PTPRR: variants seen among roughly 807,000 people sequenced by gnomAD.
PTPRR encodes receptor-type tyrosine-protein phosphatase R.
PTPRR carries 38 observed loss-of-function variants against 77.2 expected under a neutral mutation model. That is an observed-to-expected ratio of 0.49 (90% CI 0.38 to 0.65). PTPRR has a LOEUF of 0.65. PTPRR is among the 30% of genes least tolerant of loss of function. PTPRR has a pLI of 0.00. For missense variants in PTPRR, 744 were observed against 799.2 expected (o/e 0.93, Z 0.83); for synonymous variants, 299 against 283.1 (o/e 1.06, Z -0.57).
intron 2 of PTPRR, among the ~76,000 whole-genome samples, chr12:70,808,414 C>T (rs745591091): frequency 6.6e-6 from 1 of 152,106 alleles, no homozygotes; most frequent in Non-Finnish European, 1.5e-5. Flanking sequence ...ACACTCCCTC[C>T]CCTCTGAAAA....
chr12:70,830,210 G>C (rs1002208547), intron 2 of PTPRR, among the ~76,000 whole-genome samples: 1 of 152,134 alleles, frequency 6.6e-6, no homozygotes, highest in African/African-American at 2.4e-5. Context: ...AGATTTACCT[G>C]TTTCTGATGT....
chr12:70,836,617 T>A (rs903620224), intron 2 of PTPRR, among the ~76,000 whole-genome samples: 2 of 152,000 alleles, frequency 1.3e-5, no homozygotes, highest in Non-Finnish European at 2.9e-5. Context: ...ACACTGACCT[T>A]GAAAGTGCAT....
At chr12:70,643,377 G>A (rs1592627664) in intron 13 of PTPRR, among the ~76,000 whole-genome samples, 1 of 151,962 alleles carries the variant, frequency 6.6e-6, no homozygotes, top group Non-Finnish European at 1.5e-5. Flanking sequence ...GTTTTGCCAT[G>A]TTGCCCAAGC....
At position 70,726,993 on chromosome 12, in the gene PTPRR, A is replaced by G. The variant is rs139647076; in HGVS notation, c.1007+18825T>C. 5.3e-5 allele frequency among the ~76,000 whole-genome samples: 8 copies of G among 152,256 alleles called. No individual in the cohort carries two copies. In the East Asian group the frequency reaches 1.5e-3, roughly 29 times the overall value. Reference sequence around the variant, plus strand: ...CTAGGGGAGAGAAGGGGGAAAGTGGAATAAGCTTTTGGAATTTGGAAGAAA... The same window carrying G: ...CTAGGGGAGAGAAGGGGGAAAGTGGGATAAGCTTTTGGAATTTGGAAGAAA... On this transcript the variant is annotated intron_variant, in intron 6 of 13. Transcript: ENST00000283228.
chr12:70,661,208 C>T, intron 11 of PTPRR, 111 bp from the exon 12 acceptor site: 1 of 1,410,742 alleles, frequency 7.1e-7, no homozygotes, highest in South Asian at 1.2e-5. Flanking sequence ...CAATTTATTT[C>T]TAGGTGGGAA....
chr12:70,789,091 T>C, intron 2 of PTPRR: 4 of 366,642 alleles, frequency 1.1e-5, no homozygotes, highest in Non-Finnish European at 1.5e-5. Context: ...TTCATGGGGA[T>C]TTTTTTTTTC....
chr12:70,909,361 A>T (rs576520226), intron 1 of PTPRR, among the ~76,000 whole-genome samples: 1 of 152,320 alleles, frequency 6.6e-6, no homozygotes, highest in East Asian at 1.9e-4. Flanking sequence ...GGAGTATGCA[A>T]ATTGTGCACA....
At chr12:70,644,826 C>T (rs916516431) in intron 13 of PTPRR, among the ~76,000 whole-genome samples, 11 of 152,122 alleles carry the variant, frequency 7.2e-5, no homozygotes, top group Non-Finnish European at 1.2e-4. Flanking sequence ...TAAATATTGA[C>T]CAGCCTAGAA....
intron 6 of PTPRR, among the ~76,000 whole-genome samples, chr12:70,727,413 G>T (rs981431130): frequency 6.6e-6 from 1 of 151,786 alleles, no homozygotes; most frequent in Non-Finnish European, 1.5e-5. Flanking sequence ...TGGGTTATAA[G>T]AATTAAAAAA....
At chr12:70,781,783 T>C (rs1891208167) in intron 2 of PTPRR, among the ~76,000 whole-genome samples, 3 of 152,252 alleles carry the variant, frequency 2.0e-5, no homozygotes, top group African/African-American at 4.8e-5. Context: ...ATTCATTTTT[T>C]CCCCATAGTT....
Position 70,684,271 on chromosome 12 carries a change from G to A in PTPRR, c.1360-7C>T, listed in dbSNP as rs1222761578. On this transcript the variant is annotated splice_region_variant and splice_polypyrimidine_tract_variant and intron_variant, in intron 9 of 13. Coordinates refer to ENST00000283228, the MANE Select transcript of PTPRR (RefSeq NM_002849.4). Reference sequence around the variant, plus strand: ...TCTCCTTGCCACTGTAGCCCTAGATGGAGTAAAGAAACAAAAATATTGGTT... The same window carrying A: ...TCTCCTTGCCACTGTAGCCCTAGATAGAGTAAAGAAACAAAAATATTGGTT... The A allele has an allele frequency of 3.8e-6, 6 of 1,597,898 alleles. No individual in the cohort carries two copies. The highest frequency in any genetic ancestry group is 5.1e-6 in the Non-Finnish European group (6 of 1,172,544).
chr12:70,774,376 A>G (rs920379255), intron 2 of PTPRR, among the ~76,000 whole-genome samples: 1 of 152,236 alleles, frequency 6.6e-6, no homozygotes, highest in African/African-American at 2.4e-5. Context: ...CTGTGGAAAC[A>G]GTATTACAGT....
intron 13 of PTPRR, among the ~76,000 whole-genome samples, chr12:70,641,866 T>C (rs779542291): frequency 7.2e-5 from 11 of 152,202 alleles, no homozygotes; most frequent in Non-Finnish European, 1.0e-4. Context: ...GGCTCCCCTG[T>C]AGTCACACAA....
chr12:70,729,905 AT>A (rs1403127811), intron 6 of PTPRR, among the ~76,000 whole-genome samples: 1 of 151,902 alleles, frequency 6.6e-6, no homozygotes, highest in Admixed American at 6.6e-5. Context: ...TGTTATTTCT[AT>A]TTTGAGGATT....
intron 2 of PTPRR, among the ~76,000 whole-genome samples, chr12:70,811,126 A>G (rs530008903): frequency 1.4e-4 from 21 of 152,330 alleles, no homozygotes; most frequent in Admixed American, 7.8e-4. Context: ...GCAACTTCAG[A>G]GTAAATGTTA....
At chr12:70,768,201 C>CTTATGAA (rs1890875827) in intron 2 of PTPRR, among the ~76,000 whole-genome samples, 1 of 151,916 alleles carries the variant, frequency 6.6e-6, no homozygotes, top group Non-Finnish European at 1.5e-5. Context: ...ACAAAAAACC[C>CTTATGAA]TTCAAAAAAT....
intron 2 of PTPRR, among the ~76,000 whole-genome samples, chr12:70,816,627 G>GAT (rs944201551): frequency 2.0e-5 from 3 of 151,996 alleles, no homozygotes; most frequent in Non-Finnish European, 2.9e-5. Context: ...ATGCATTAGA[G>GAT]ATATAAAATT....
At chr12:70,851,623 G>A (rs531131703) in intron 2 of PTPRR, among the ~76,000 whole-genome samples, 18 of 152,226 alleles carry the variant, frequency 1.2e-4, no homozygotes, top group African/African-American at 3.9e-4. Context: ...CATGTATAAG[G>A]CATTTATGAA....
At chr12:70,777,851 A>G (rs1169801699) in intron 2 of PTPRR, among the ~76,000 whole-genome samples, 2 of 152,224 alleles carry the variant, frequency 1.3e-5, no homozygotes, top group African/African-American at 4.8e-5. Flanking sequence ...TGAGTTAAAA[A>G]CAAATTTTTA....
Sources: allele counts gnomAD v4.1 joint callset (sites outside exome capture counted in the v4.1 genomes callset), GRCh38; gene constraint gnomAD v4.1.1; transcripts MANE v1.5; gene names NCBI Gene and HGNC (gene_info 2026-07-23, HGNC 2026-07-21).